Variants in PRR5L observed in about 807,000 individuals in gnomAD.
PRR5L encodes the protein proline-rich protein 5-like.
PRR5L carries 21 observed loss-of-function variants against 36.4 expected under a neutral mutation model. The ratio of observed to expected loss-of-function variants is 0.58; its 90% confidence interval spans 0.41 to 0.83. PRR5L has a LOEUF of 0.83. Ranked by LOEUF, PRR5L falls within the 40% of genes least tolerant of loss-of-function variation. PRR5L has a pLI of 0.00. For synonymous variants in PRR5L, 188 were observed against 197.0 expected, an observed-to-expected ratio of 0.95 and a Z score of 0.38; for missense variants, 381 against 473.3, an observed-to-expected ratio of 0.80 and a Z score of 1.81.
chr11:36,375,000 C>A (rs141178541), intron 1 of PRR5L, among the ~76,000 whole-genome samples: 1 of 152,032 alleles, frequency 6.6e-6, no homozygotes, highest in Admixed American at 6.5e-5. Context: ...TTTGGGAGGC[C>A]GAGACATGTG....
intron 1 of PRR5L, among the ~76,000 whole-genome samples, chr11:36,328,130 G>T (rs1856683548): frequency 6.6e-6 from 1 of 152,190 alleles, no homozygotes; most frequent in Admixed American, 6.5e-5. Context: ...ACAGAAAAAT[G>T]TGACTTTAAA....
intron 1 of PRR5L, among the ~76,000 whole-genome samples, chr11:36,373,046 T>A (rs1008056737): frequency 4.0e-5 from 6 of 151,874 alleles, no homozygotes; most frequent in African/African-American, 1.2e-4. Context: ...TGAAGTGTAC[T>A]TTTTGGGGCC....
intron 3 of PRR5L, among the ~76,000 whole-genome samples, chr11:36,416,634 T>G (rs962690789): frequency 3.3e-5 from 5 of 152,336 alleles, no homozygotes; most frequent in South Asian, 2.1e-4. Flanking sequence ...GTCTTTGTCT[T>G]GGAAGTTGCA....
At chr11:36,341,700 T>A in intron 1 of PRR5L, among the ~76,000 whole-genome samples, 1 of 152,068 alleles carries the variant, frequency 6.6e-6, no homozygotes, top group East Asian at 1.9e-4. Flanking sequence ...GTTGTAAGGG[T>A]TATATCAGAT....
At chr11:36,440,587 G>C (rs1026402273) in intron 6 of PRR5L, among the ~76,000 whole-genome samples, 1 of 152,200 alleles carries the variant, frequency 6.6e-6, no homozygotes, top group Non-Finnish European at 1.5e-5. Flanking sequence ...GAGGGAGGGG[G>C]AGCAGCGCCA....
intron 1 of PRR5L, among the ~76,000 whole-genome samples, chr11:36,322,401 A>G (rs1482278140): frequency 6.6e-6 from 1 of 152,196 alleles, no homozygotes; most frequent in Non-Finnish European, 1.5e-5. Flanking sequence ...ATTTTATAAT[A>G]TATACAACAC....
At chr11:36,372,951 C>A (rs1313686478) in intron 1 of PRR5L, among the ~76,000 whole-genome samples, 1 of 150,690 alleles carries the variant, frequency 6.6e-6, no homozygotes, top group Non-Finnish European at 1.5e-5. Context: ...AAGTCACAAA[C>A]TTCAGCTTTT....
chr11:36,424,570 G>A (rs947196635), intron 4 of PRR5L, among the ~76,000 whole-genome samples: 4 of 152,166 alleles, frequency 2.6e-5, no homozygotes, highest in Non-Finnish European at 5.9e-5. Flanking sequence ...TGGAAGCGTC[G>A]GGAAATTTTT....
chr11:36,329,082 G>C (rs561266253), intron 1 of PRR5L: 1 of 152,314 alleles, frequency 6.6e-6, no homozygotes, highest in East Asian at 1.9e-4. Context: ...GGTTGAAGCA[G>C]ACAATAAACT....
At chr11:36,316,176 C>T (rs1176001433) in intron 1 of PRR5L, among the ~76,000 whole-genome samples, 1 of 152,176 alleles carries the variant, frequency 6.6e-6, no homozygotes, top group African/African-American at 2.4e-5. Context: ...GTTGCAGTTA[C>T]TCAACACTGC....
rs137906451 is a variant in PRR5L at position 36,432,705 on chromosome 11, C to T, written c.352+795C>T. ...CATAACACCATACCTGGCACACAGG[C>T]GAACATACCGGACCCTTTCTTTTTT... On this transcript the variant is annotated intron_variant, in intron 5 of 8. Transcript: ENST00000530639. 7.4e-3 allele frequency among the ~76,000 whole-genome samples: 1,125 copies of T among 152,268 alleles called. 10 individuals carry two copies. The highest frequency in any genetic ancestry group is 0.013 in the Non-Finnish European group (870 of 68,028).
At chr11:36,373,862 ACGCTAAATAAGTT>A (rs1339866720) in intron 1 of PRR5L, among the ~76,000 whole-genome samples, 2 of 152,158 alleles carry the variant, frequency 1.3e-5, no homozygotes, top group Non-Finnish European at 2.9e-5. Context: ...AGTACAGCAT[ACGCTAAATAAGTT>A]CATTTCTATG....
chr11:36,403,463 GTTT>G (rs34764114), intron 3 of PRR5L, 85 bp downstream of exon 3: 516 of 647,460 alleles, frequency 8.0e-4, no homozygotes, highest in Middle Eastern at 1.4e-3. Flanking sequence ...AGCCTTAAGG[GTTT>G]TTTTTTTTTT....
At chr11:36,353,314 T>C (rs1176260875) in intron 1 of PRR5L, among the ~76,000 whole-genome samples, 1 of 152,096 alleles carries the variant, frequency 6.6e-6, no homozygotes. Flanking sequence ...ACCAATGTCT[T>C]ATATTGATGA....
At chr11:36,299,480 C>A (rs1856349859) in intron 1 of PRR5L, among the ~76,000 whole-genome samples, 1 of 152,174 alleles carries the variant, frequency 6.6e-6, no homozygotes, top group South Asian at 2.1e-4. Context: ...AAGAGGGAAA[C>A]CAGTTTCGTG....
At position 36,424,083 on chromosome 11, in the gene PRR5L, C is replaced by T. The variant is rs114270934; in HGVS notation, c.294+4780C>T. ...ACTTTTATCATACTTTATGAGTCTC[C>T]GTGGAAAAAAATGGATCTTGACATT... On this transcript the variant is annotated intron_variant, in intron 4 of 8. Transcript: ENST00000530639. Among the ~76,000 whole-genome samples the T allele has an allele frequency of 2.2e-3, 335 of 152,128 alleles. 1 individual carries two copies. Among genetic ancestry groups the T allele is most frequent in the African/African-American group, 7.7e-3 (319 of 41,502 alleles).
intron 3 of PRR5L, among the ~76,000 whole-genome samples, chr11:36,411,374 A>G (rs1858022641): frequency 6.6e-6 from 1 of 152,166 alleles, no homozygotes; most frequent in African/African-American, 2.4e-5. Context: ...TAATAACAGG[A>G]AATCCTGTCA....
intron 1 of PRR5L, among the ~76,000 whole-genome samples, chr11:36,343,743 T>C (rs978188492): frequency 6.6e-6 from 1 of 152,194 alleles, no homozygotes; most frequent in African/African-American, 2.4e-5. Flanking sequence ...ATTCTCGCAA[T>C]GACGCCGTGA....
chr11:36,326,979 G>A (rs1200529470), intron 1 of PRR5L, among the ~76,000 whole-genome samples: 1 of 152,168 alleles, frequency 6.6e-6, no homozygotes, highest in African/African-American at 2.4e-5. Flanking sequence ...TTAAAGTGGA[G>A]TGGAAAAATG....
Sources: allele counts gnomAD v4.1 joint callset (sites outside exome capture counted in the v4.1 genomes callset), GRCh38; gene constraint gnomAD v4.1.1; transcripts MANE v1.5; gene names NCBI Gene and HGNC (gene_info 2026-07-23, HGNC 2026-07-21).